Variants in XPC observed in about 807,000 individuals in gnomAD.
XPC encodes the protein XPC complex subunit, DNA damage recognition and repair factor.
XPC carries 76 observed loss-of-function variants against 95.8 expected under a neutral mutation model. The observed-to-expected ratio is 0.79, with a 90% CI of 0.66 to 0.96. The LOEUF is 0.96. Ranked by LOEUF, XPC falls within the 40% of genes least tolerant of loss-of-function variation. The pLI is 0.00. For missense variants in XPC, 1,146 were observed against 1,179.8 expected, an observed-to-expected ratio of 0.97 and a Z score of 0.42; for synonymous variants, 442 against 442.1, an observed-to-expected ratio of 1.00 and a Z score of 0.00.
In XPC at chr3:14,148,605, C is replaced by T. The variant is rs766730833; in HGVS notation, c.2377G>A (p.Ala793Thr). The stretch of plus-strand genomic sequence containing the variant: ...CCATGGAAATCAAAGCCAGTGATGG[C>T]CTGGACACAGTCGATGTCCAGCTTG... ...ARKLDIDCVQ[A>T]ITGFDFHGGY... Residue 793 changes from alanine (A) to threonine (T), a missense_variant, in exon 13 of 16, where the codon GCC becomes ACC. Physicochemically the swap from Ala to Thr is moderately conservative, Grantham distance 58. Coordinates refer to ENST00000285021, the MANE Select transcript of XPC (RefSeq NM_004628.5). 6.2e-6 allele frequency: 10 copies of T among 1,614,046 alleles called. No homozygotes were observed. The highest frequency in any genetic ancestry group is 8.5e-6 in the Non-Finnish European group (10 of 1,179,892).
rs1272512422 is a variant in XPC, at chr3:14,145,535, G to A, written c.*406C>T. ...TGTCGGACAGATGAAGACTCTAACT[G>A]GAAGAAACGATCAGCGCATTCACGG... On this transcript the variant is annotated 3_prime_UTR_variant, in exon 16 of 16. Transcript: ENST00000285021. 4.3e-6 allele frequency: 3 copies of A among 700,098 alleles called. No individual in the cohort carries two copies. The highest frequency in any genetic ancestry group is 3.0e-5 in the South Asian group (2 of 67,390). The allele number at this position is 700,098 out of a possible 1,614,324, so 43.4% of individuals were successfully genotyped here. A position where few individuals can be genotyped will look rare whatever the true frequency, so the allele number is the denominator to read the frequency against.
In XPC at chr3:14,178,508, A is replaced by T; in HGVS notation, c.61T>A (p.Ser21Thr). The part of the protein sequence containing the change: ...PRGRELRSQK[S>T]KAKSKARREE... ...CGCCGGGCCTTGCTCTTGGCCTTGG[A>T]TTTCTGGCTGCGCAGTTCGCGTCCC... The change falls in exon 1 of 16, where the codon TCC becomes ACC. Residue 21 changes from serine (S) to threonine (T), a missense_variant. By Grantham distance (58) the Ser-to-Thr change is moderately conservative. Transcript: ENST00000285021. 1.2e-6 allele frequency: 2 copies of T among 1,612,652 alleles called. No homozygotes were observed. The highest frequency in any genetic ancestry group is 1.7e-6 in the Non-Finnish European group (2 of 1,179,440).
At chr3:14,147,767 C>T in intron 14 of XPC, 141 bp downstream of exon 14, 1 of 739,950 alleles carries the variant, frequency 1.4e-6, no homozygotes, top group Non-Finnish European at 2.2e-6. Context: ...TCAGTGCTCG[C>T]TCCCTCGGGT....
rs947451862 is a variant in XPC, at chr3:14,145,418, G to A, written c.*523C>T. The A allele has an allele frequency of 1.6e-5, 11 of 697,730 alleles. No individual in the cohort carries two copies. The highest frequency in any genetic ancestry group is 5.9e-5 in the South Asian group (4 of 67,378). The allele number at this position is 697,730 out of a possible 1,614,324, so 43.2% of individuals were successfully genotyped here. A position where few individuals can be genotyped will look rare whatever the true frequency, so the allele number is the denominator to read the frequency against. ...CTGCTCTCTCCCCTACTGCAAAGAGGCAGTGAGGGCAGCATTAGTAAGCCT... is the reference window on the plus strand; with the variant it reads ...CTGCTCTCTCCCCTACTGCAAAGAGACAGTGAGGGCAGCATTAGTAAGCCT... On this transcript the variant is annotated 3_prime_UTR_variant, in exon 16 of 16. Coordinates refer to ENST00000285021, the MANE Select transcript of XPC (RefSeq NM_004628.5).
At chr3:14,167,738 C>T (rs3731099) in intron 4 of XPC, among the ~76,000 whole-genome samples, 1,998 of 152,268 alleles carry the variant, frequency 0.013, 29 homozygotes, top group Middle Eastern at 0.041. Flanking sequence ...CTCTTCTGTG[C>T]CTAGTAATGT....
At chr3:14,168,144 G>T in intron 4 of XPC, 113 bp downstream of exon 4, 1 of 1,387,112 alleles carries the variant, frequency 7.2e-7, no homozygotes. Flanking sequence ...CAAGGTTCTC[G>T]ACCACTTTGA....
In XPC at chr3:14,158,833, G is replaced by C; in HGVS notation, c.1050C>G (p.Ser350=). ...TADPGGSSET[S]SQVLENHTKP... ...TGGTGTGGTTTTCTAGAACTTGGCTGGAAGTTTCTGAGGAGCCTCCTGGAT... is the reference window on the plus strand; with the variant it reads ...TGGTGTGGTTTTCTAGAACTTGGCTCGAAGTTTCTGAGGAGCCTCCTGGAT... Residue 350 remains serine, a synonymous_variant, in exon 9 of 16, where the codon TCC becomes TCG. Transcript: ENST00000285021. The surrounding 1 kb of genome is among the most constrained non-coding windows in gnomAD (Gnocchi z 5.2). 1 of 1,613,950 alleles carries C rather than the reference G, an allele frequency of 6.2e-7. No individual in the cohort carries two copies. The highest frequency in any genetic ancestry group is 8.5e-7 in the Non-Finnish European group (1 of 1,179,878).
Position 14,168,278 on chromosome 3 carries a change from T to A in XPC, c.515A>T (p.Gln172Leu), listed in dbSNP as rs1340303765. Residue 172 changes from glutamine to leucine, a missense_variant, in exon 4 of 16, where the codon CAG (glutamine) becomes CTG (leucine). Transcript: ENST00000285021. ...TTACCTTCTTTCTCTTGTCTTCGCCTGCTCTGGCGTTTCAATCTCTATCTC... is the reference window on the plus strand; with the variant it reads ...TTACCTTCTTTCTCTTGTCTTCGCCAGCTCTGGCGTTTCAATCTCTATCTC... The part of the protein sequence containing the change: ...PVEIEIETPE[Q>L]AKTRERSEKI... 1 of 1,612,988 alleles carries A rather than the reference T, an allele frequency of 6.2e-7. No homozygotes were observed. The highest frequency in any genetic ancestry group is 2.2e-5 in the East Asian group (1 of 44,862).
intron 10 of XPC, among the ~76,000 whole-genome samples, chr3:14,155,805 G>A (rs371723784): frequency 6.6e-5 from 10 of 152,218 alleles, no homozygotes; most frequent in Admixed American, 2.0e-4. Flanking sequence ...GGATCCGCCC[G>A]CCTCGGCCTC....
chr3:14,177,010 G>A (rs961790563), intron 1 of XPC, among the ~76,000 whole-genome samples: 4 of 152,190 alleles, frequency 2.6e-5, no homozygotes, highest in African/African-American at 9.7e-5. Flanking sequence ...TGAGGCAGGA[G>A]AATCACTTGA....
chr3:14,171,922 C>T (rs1298322581), intron 2 of XPC, among the ~76,000 whole-genome samples: 2 of 152,056 alleles, frequency 1.3e-5, no homozygotes, highest in African/African-American at 2.4e-5. Context: ...CATGCTGTCC[C>T]GTGTCCCTTC....
intron 5 of XPC, among the ~76,000 whole-genome samples, chr3:14,166,208 C>A (rs1106087): frequency 0.21 from 32,614 of 152,032 alleles, 4,107 homozygotes; most frequent in East Asian, 0.36. Flanking sequence ...CTTCCTCCCC[C>A]CCGACTAACA....
chr3:14,173,286 TCTC>T (rs923847065), intron 1 of XPC, among the ~76,000 whole-genome samples: 2 of 152,148 alleles, frequency 1.3e-5, no homozygotes, highest in African/African-American at 4.8e-5. Context: ...GCACTTTACT[TCTC>T]CTATGACTAC....
rs189619298 is a variant in XPC at position 14,148,832 on chromosome 3, T to G, written c.2232A>C (p.Pro744=). The change falls in exon 12 of 16, where the codon CCA becomes CCC. Residue 744 remains proline (P), a synonymous_variant. Transcript: ENST00000285021. ...CCCTTACCTTCCCGTCCACGGCCAC[T>G]GGGGGCTGATACTCCTCTGTCTGCC... is the stretch of plus-strand genomic sequence containing the variant. ...GYWQTEEYQP[P]VAVDGKVPRN... 3.8e-4 allele frequency: 609 copies of G among 1,613,978 alleles called. 2 individuals carry two copies. The African/African-American group carries it at 7.5e-3, about 20-fold the overall frequency.
At position 14,158,885 on chromosome 3, in the gene XPC, T is replaced by G. The variant is rs764053824; in HGVS notation, c.998A>C (p.Lys333Thr). The stretch of plus-strand genomic sequence containing the variant: ...CGCAGTCAATCTTTCCTTGGAAGGT[T>G]TCTTTCCCTTAAACAGAATAAGAAA... ...PLKSATAKGK[K>T]PSKERLTADP... The change falls in exon 9 of 16, where the codon AAA becomes ACA. Residue 333 changes from lysine to threonine, a missense_variant. Physicochemically the swap from Lys to Thr is moderately conservative, Grantham distance 78 (BLOSUM62 -1). Coordinates refer to ENST00000285021, the MANE Select transcript of XPC (RefSeq NM_004628.5). The surrounding 1 kb of genome is among the most constrained non-coding windows in gnomAD (Gnocchi z 5.2). The G allele has an allele frequency of 7.4e-6, 12 of 1,613,860 alleles. No individual in the cohort carries two copies. The highest frequency in any genetic ancestry group is 1.0e-5 in the Non-Finnish European group (12 of 1,179,896).
chr3:14,147,464 G>C, intron 14 of XPC, 85 bp from the exon 15 acceptor site: 1 of 1,312,136 alleles, frequency 7.6e-7, no homozygotes, highest in Non-Finnish European at 1.1e-6. Flanking sequence ...TGAATGTAAA[G>C]ACAGATATAT....
At chr3:14,149,244 C>T (rs1035438454) in intron 11 of XPC, among the ~76,000 whole-genome samples, 4 of 152,220 alleles carry the variant, frequency 2.6e-5, no homozygotes, top group Admixed American at 6.5e-5. Flanking sequence ...CCACCACGCC[C>T]GGCTAATTTT....
chr3:14,162,804 G>A (rs959333861), intron 7 of XPC, among the ~76,000 whole-genome samples: 4 of 152,100 alleles, frequency 2.6e-5, no homozygotes, highest in Admixed American at 6.5e-5. Context: ...GGGTATCAAA[G>A]GACTTCATCA....
chr3:14,158,347 T>C lies in XPC; in HGVS notation c.1536A>G (p.Lys512=), dbSNP rs1184929389. 1.2e-6 allele frequency: 2 copies of C among 1,613,918 alleles called. No homozygotes were observed. The highest frequency in any genetic ancestry group is 2.2e-5 in the East Asian group (1 of 44,862). Residue 512 remains lysine, a synonymous_variant, in exon 9 of 16, where the codon AAA becomes AAG. Transcript: ENST00000285021. The surrounding 1 kb of genome is among the most constrained non-coding windows in gnomAD (Gnocchi z 5.2). ...CTGCCTTCTCACCATCGCTGCACAT[T>C]TTCTTGCCTCTTTTACTGCTTGAAG... ...SSSSSSKRGK[K]MCSDGEKAEK...
Sources: gnomAD v4.1 joint callset for allele counts (sites outside exome capture counted in the v4.1 genomes callset) on GRCh38, gnomAD v4.1.1 for gene constraint, Gnocchi (gnomAD v3.1) non-coding constraint, MANE v1.5 for transcripts, NCBI Gene and HGNC (gene_info 2026-07-23, HGNC 2026-07-21) for gene names.